The following ZBTB37 variants were observed in gnomAD, a reference collection of about 807,000 sequenced individuals.
The protein encoded by ZBTB37 is zinc finger and BTB domain containing 37, also known as zinc finger and BTB domain-containing protein 37.
In ZBTB37, 15 loss-of-function variants were observed where a neutral mutation model predicts 37.7. The ratio of observed to expected loss-of-function variants is 0.40; its 90% CI spans 0.27 to 0.61. ZBTB37 has a LOEUF of 0.61. Ranked by LOEUF, ZBTB37 falls within the 20% of genes least tolerant of loss-of-function variation. ZBTB37 has a pLI of 0.44. For synonymous variants in ZBTB37, 231 were observed against 220.6 expected (o/e 1.05, Z -0.42); for missense variants, 514 against 641.9 (o/e 0.80, Z 2.15).
exon 5 of ZBTB37, chr1:173,885,972 G>A: frequency 1.9e-6 from 3 of 1,551,714 alleles, no homozygotes; most frequent in Non-Finnish European, 2.6e-6. Context: ...AAACCACCCT[G>A]GCTGTATACC....
exon 4 of ZBTB37, chr1:173,899,469 T>C (rs1160074425): frequency 6.6e-6 from 1 of 152,206 alleles, no homozygotes; most frequent in Non-Finnish European, 1.5e-5. Context: ...CTAGGTAGTT[T>C]GATTGCAGCA....
At chr1:173,893,154 CG>C (rs1656912117) in exon 4 of ZBTB37, 1 of 152,224 alleles carries the variant, frequency 6.6e-6, no homozygotes, top group Admixed American at 6.5e-5. Context: ...CCTCCTGCTT[CG>C]GCCTCCCAAA....
intron 4 of ZBTB37, among the ~76,000 whole-genome samples, chr1:173,875,963 A>G (rs1010096998): frequency 5.3e-5 from 8 of 152,110 alleles, no homozygotes; most frequent in African/African-American, 1.7e-4. Context: ...CCAGCTGCTT[A>G]CACATTTTTA....
chr1:173,875,213 A>G (rs1249173989), intron 4 of ZBTB37, among the ~76,000 whole-genome samples: 1 of 151,172 alleles, frequency 6.6e-6, no homozygotes, highest in East Asian at 1.9e-4. Flanking sequence ...TGTATACTAT[A>G]GTATGCACAC....
At chr1:173,890,611 A>G (rs1656804601), downstream of ZBTB37, 1 of 152,254 alleles carries the variant, frequency 6.6e-6, no homozygotes, top group South Asian at 2.1e-4. Context: ...GAAAAGCAAC[A>G]AGCAATTGTC....
intron 4 of ZBTB37, among the ~76,000 whole-genome samples, chr1:173,879,707 T>A (rs997850162): frequency 1.3e-5 from 2 of 152,134 alleles, no homozygotes; most frequent in African/African-American, 4.8e-5. Context: ...ATCCCAGCAC[T>A]TTGGGAGGCC....
chr1:173,882,204 C>T (rs1203225301), intron 4 of ZBTB37, among the ~76,000 whole-genome samples: 1 of 145,702 alleles, frequency 6.9e-6, no homozygotes, highest in Non-Finnish European at 1.5e-5. Context: ...TTCTCCCATT[C>T]TATAGGTTGC....
exon 2 of ZBTB37, chr1:173,868,967 C>G (rs990300730): frequency 6.5e-6 from 1 of 152,684 alleles, no homozygotes; most frequent in Non-Finnish European, 1.5e-5. Context: ...GACTTTCCTC[C>G]AGGGGCTTCC....
chr1:173,879,937 C>T (rs981649608), intron 4 of ZBTB37, among the ~76,000 whole-genome samples: 1 of 152,142 alleles, frequency 6.6e-6, no homozygotes, highest in Admixed American at 6.6e-5. Context: ...GGCGACAAAG[C>T]GAGACTGTCT....
chr1:173,883,059 C>T (rs1331857729), intron 4 of ZBTB37, among the ~76,000 whole-genome samples: 2 of 152,156 alleles, frequency 1.3e-5, no homozygotes, highest in Non-Finnish European at 2.9e-5. Flanking sequence ...CCAAGTCACA[C>T]AATAAATAGA....
At chr1:173,875,392 C>G (rs1401484190) in intron 4 of ZBTB37, among the ~76,000 whole-genome samples, 1 of 146,256 alleles carries the variant, frequency 6.8e-6, no homozygotes, top group Non-Finnish European at 1.5e-5. Flanking sequence ...GTGGTGTGAT[C>G]TCGGCTCGCT....
At chr1:173,894,809 T>C (rs577487931) in exon 4 of ZBTB37, 1 of 152,216 alleles carries the variant, frequency 6.6e-6, no homozygotes, top group East Asian at 1.9e-4. Context: ...TTTTTTGTTT[T>C]GTTTTGTTTT....
chr1:173,883,900 C>T (rs1175325150), intron 4 of ZBTB37, among the ~76,000 whole-genome samples: 1 of 152,142 alleles, frequency 6.6e-6, no homozygotes, highest in East Asian at 1.9e-4. Flanking sequence ...AAAGTACCGG[C>T]ACAATATTAA....
Position 173,871,678 on chromosome 1 carries a change from A to T in ZBTB37, c.923+530A>T, listed in dbSNP as rs146452727. On this transcript the variant is annotated intron_variant, in intron 3 of 4. Coordinates refer to ENST00000427304, the Ensembl canonical transcript of ZBTB37. ...AAGAAAAGCGTTATGGATATTTTTC[A>T]TCTCTTTTTTCCCTTGTCACGTGAT... Among the ~76,000 whole-genome samples the T allele has an allele frequency of 1.5e-3, 221 of 152,290 alleles. 1 individual carries two copies. Among genetic ancestry groups the T allele is most frequent in the African/African-American group, 5.1e-3 (211 of 41,552 alleles).
rs75353290 is a variant in ZBTB37 at position 173,873,312 on chromosome 1, T to C, written c.924-155T>C. On this transcript the variant is annotated intron_variant, in intron 3 of 4. Coordinates refer to ENST00000427304, the Ensembl canonical transcript of ZBTB37. ...GGCTAACCTATTATTTCAAATCAGA[T>C]TATGTATTAACTCCACAAAACTATT... Among the ~76,000 whole-genome samples the C allele has an allele frequency of 4.0e-3, 602 of 152,366 alleles. 6 individuals carry two copies. The highest frequency in any genetic ancestry group is 0.014 in the African/African-American group (569 of 41,590).
exon 3 of ZBTB37, chr1:173,870,632 C>G: frequency 6.2e-7 from 1 of 1,614,188 alleles, no homozygotes. Flanking sequence ...GAGGTTGAAG[C>G]AGAATTAAGT....
At chr1:173,889,711 G>A (rs1656765478), downstream of ZBTB37, 1 of 152,162 alleles carries the variant, frequency 6.6e-6, no homozygotes, top group Non-Finnish European at 1.5e-5. Context: ...ATTTACCTCT[G>A]AACCAAGTTG....
At chr1:173,874,629 G>C (rs556158534) in intron 4 of ZBTB37, among the ~76,000 whole-genome samples, 10 of 152,150 alleles carry the variant, frequency 6.6e-5, no homozygotes, top group Non-Finnish European at 1.5e-4. Context: ...GGGATTACAG[G>C]TGTGAGCCAC....
chr1:173,889,817 A>G (rs1232433891), downstream of ZBTB37: 1 of 152,258 alleles, frequency 6.6e-6, no homozygotes, highest in South Asian at 2.1e-4. Flanking sequence ...AAATTAGTTC[A>G]TAGAGGATAA....
Sources: allele counts gnomAD v4.1 joint callset (sites outside exome capture counted in the v4.1 genomes callset), GRCh38; gene constraint gnomAD v4.1.1; transcripts MANE v1.5; gene names NCBI Gene and HGNC (gene_info 2026-07-23, HGNC 2026-07-21).